The following GSG1L variants were observed in gnomAD, a reference collection of about 807,000 sequenced individuals.
The protein encoded by GSG1L is GSG1 like.
In GSG1L, 24 loss-of-function variants were observed where a neutral mutation model predicts 42.1. That is an observed-to-expected ratio of 0.57 (90% CI 0.41 to 0.80). The LOEUF (loss-of-function observed/expected upper bound fraction) is 0.80. Among genes scored for constraint, GSG1L ranks in the 30% least tolerant of loss-of-function variants. The probability of loss-of-function intolerance (pLI) is 0.00; values close to 1 mark genes in which losing one functional copy is unlikely to be tolerated. For synonymous variants in GSG1L, 215 were observed against 203.5 expected, an observed-to-expected ratio of 1.06 and a Z score of -0.48; for missense variants, 445 against 472.2, an observed-to-expected ratio of 0.94 and a Z score of 0.53.
intron 2 of GSG1L, among the ~76,000 whole-genome samples, chr16:27,947,708 G>C (rs1248406970): frequency 6.6e-6 from 1 of 152,134 alleles, no homozygotes; most frequent in Non-Finnish European, 1.5e-5. Flanking sequence ...TCGGGCTAAG[G>C]GAAGTTGCCC....
intron 2 of GSG1L, among the ~76,000 whole-genome samples, chr16:27,931,558 A>G (rs933943084): frequency 6.6e-6 from 1 of 152,246 alleles, no homozygotes; most frequent in Admixed American, 6.5e-5. Context: ...ATAGGCAAAC[A>G]GTAGAAAGCT....
chr16:27,790,861 A>G lies in GSG1L; in HGVS notation c.*509T>C, dbSNP rs962885466. 6.5e-6 allele frequency: 1 copy of G among 152,812 alleles called. No homozygotes were observed. Among genetic ancestry groups the G allele is most frequent in the African/African-American group, 2.4e-5 (1 of 41,470 alleles). 9.5% of individuals were successfully genotyped at this position (152,812 alleles called of 1,614,324 possible). ...GGCAATGACAGGGCAGCCACAGCCC[A>G]CAGAGCAACTGGCCTCCATACACCG... On this transcript the variant is annotated 3_prime_UTR_variant, in exon 7 of 7. Coordinates refer to ENST00000447459, the MANE Select transcript of GSG1L (RefSeq NM_001109763.2).
At position 27,816,973 on chromosome 16, in the gene GSG1L, T is replaced by G. The variant is rs1469883271; in HGVS notation, c.831-9419A>C. Among the ~76,000 whole-genome samples the G allele has an allele frequency of 3.9e-5, 6 of 152,136 alleles. No individual in the cohort carries two copies. In the East Asian group the frequency reaches 1.2e-3, roughly 29 times the overall value. ...AGGTGTTGGAGGTGACTGTGCCATG[T>G]CACAGTCACTGTCCCCAATAGCCCA... On this transcript the variant is annotated intron_variant, in intron 5 of 6. Transcript: ENST00000447459.
intron 6 of GSG1L, among the ~76,000 whole-genome samples, chr16:27,796,698 G>A (rs550717674): frequency 1.3e-5 from 2 of 152,174 alleles, no homozygotes; most frequent in Admixed American, 1.3e-4. Flanking sequence ...AGATTGAATG[G>A]GGGCCATCTA....
chr16:27,851,440 C>A (rs149802876), intron 3 of GSG1L, among the ~76,000 whole-genome samples: 1 of 152,080 alleles, frequency 6.6e-6, no homozygotes, highest in Non-Finnish European at 1.5e-5. Context: ...AAGAGATCCT[C>A]CTGCCACAGT....
intron 3 of GSG1L, among the ~76,000 whole-genome samples, chr16:27,866,552 GCAGGCTCTCACTTTCACTTTT>G (rs1341311963): frequency 2.0e-5 from 3 of 152,104 alleles, no homozygotes; most frequent in African/African-American, 7.2e-5. Context: ...CTACCCAAAT[GCAGGCTCTCACTTTCACTTTT>G]CTTTTTTAAT....
At chr16:27,880,680 G>A (rs2083940983) in intron 3 of GSG1L, among the ~76,000 whole-genome samples, 1 of 152,168 alleles carries the variant, frequency 6.6e-6, no homozygotes, top group Non-Finnish European at 1.5e-5. Context: ...ACCCCTTGGA[G>A]GTAGAGGAGA....
At chr16:27,856,157 A>G (rs894202094) in intron 3 of GSG1L, among the ~76,000 whole-genome samples, 17 of 148,432 alleles carry the variant, frequency 1.1e-4, no homozygotes, top group Admixed American at 1.0e-3. Context: ...AGGAATGTGC[A>G]CCCCCCCCCA....
intron 2 of GSG1L, among the ~76,000 whole-genome samples, chr16:27,932,947 A>G (rs1159952332): frequency 7.2e-5 from 11 of 152,128 alleles, no homozygotes; most frequent in Non-Finnish European, 1.2e-4. Context: ...CCCAACCTGC[A>G]GACTCACAAG....
intron 1 of GSG1L, among the ~76,000 whole-genome samples, chr16:28,045,793 T>G (rs1298666243): frequency 6.6e-6 from 1 of 151,660 alleles, no homozygotes; most frequent in Non-Finnish European, 1.5e-5. Flanking sequence ...CTCAGGAGTT[T>G]GAGACCAGCC....
chr16:28,047,867 A>AAG (rs1194942502), intron 1 of GSG1L, among the ~76,000 whole-genome samples: 1 of 152,174 alleles, frequency 6.6e-6, no homozygotes, highest in Non-Finnish European at 1.5e-5. Flanking sequence ...ATTGAAGAGA[A>AAG]AGAGATTAAC....
At chr16:27,896,099 A>AT (rs2084189032) in intron 2 of GSG1L, among the ~76,000 whole-genome samples, 1 of 152,126 alleles carries the variant, frequency 6.6e-6, no homozygotes, top group Non-Finnish European at 1.5e-5. Flanking sequence ...CTGACTCCAA[A>AT]GCACATAGGA....
In GSG1L at chr16:27,933,473, C is replaced by T. The variant is rs112785093; in HGVS notation, c.397+29683G>A. Among the ~76,000 whole-genome samples the T allele has an allele frequency of 3.2e-4, 48 of 151,954 alleles. 1 individual carries two copies. Among genetic ancestry groups the T allele is most frequent in the African/African-American group, 1.1e-3 (47 of 41,466 alleles). ...GACCAGCCAGGGCAACATGGCAAAA[C>T]CCCCATCTCTATAAAAAATTTAAAA... On this transcript the variant is annotated intron_variant, in intron 2 of 6. Coordinates refer to ENST00000447459, the MANE Select transcript of GSG1L (RefSeq NM_001109763.2).
At chr16:27,874,254 CG>C (rs2083857728) in intron 3 of GSG1L, among the ~76,000 whole-genome samples, 1 of 151,832 alleles carries the variant, frequency 6.6e-6, no homozygotes, top group Admixed American at 6.6e-5. Context: ...ATGGGGGCTG[CG>C]GGAGGGTCAC....
At chr16:28,060,332 G>T (rs2086327101) in intron 1 of GSG1L, among the ~76,000 whole-genome samples, 1 of 152,136 alleles carries the variant, frequency 6.6e-6, no homozygotes, top group African/African-American at 2.4e-5. Flanking sequence ...TGGTGGAGAA[G>T]GCAGGATTTT....
intron 3 of GSG1L, among the ~76,000 whole-genome samples, chr16:27,881,419 T>C (rs1192846192): frequency 1.3e-5 from 2 of 151,968 alleles, no homozygotes; most frequent in African/African-American, 4.8e-5. Context: ...TTTTTGTATT[T>C]TTAGTAGAAA....
At position 27,795,180 on chromosome 16, in the gene GSG1L, T is replaced by A. The variant is rs190528816; in HGVS notation, c.899-3713A>T. Among the ~76,000 whole-genome samples, 574 of 146,740 alleles carry A rather than the reference T, an allele frequency of 3.9e-3. 1 individual carries two copies. Among genetic ancestry groups the A allele is most frequent in the Non-Finnish European group, 6.1e-3 (393 of 64,880 alleles). The stretch of plus-strand genomic sequence containing the variant: ...ACAGAGCAAGTCCCAAACTGACTCT[T>A]TTTTTTTTCTTTTTAAACAAATGAA... On this transcript the variant is annotated intron_variant, in intron 6 of 6. Transcript: ENST00000447459.
At chr16:28,039,714 AC>A (rs1381789904) in intron 1 of GSG1L, among the ~76,000 whole-genome samples, 1 of 151,898 alleles carries the variant, frequency 6.6e-6, no homozygotes, top group Non-Finnish European at 1.5e-5. Flanking sequence ...CTGTGCACAC[AC>A]ATGCACATCC....
At chr16:27,933,063 T>A (rs1461084118) in intron 2 of GSG1L, among the ~76,000 whole-genome samples, 1 of 152,092 alleles carries the variant, frequency 6.6e-6, no homozygotes, top group Non-Finnish European at 1.5e-5. Flanking sequence ...ACTATTCATA[T>A]GAATTTAAAA....
Sources: gnomAD v4.1 joint callset for allele counts (sites outside exome capture counted in the v4.1 genomes callset) on GRCh38, gnomAD v4.1.1 for gene constraint, MANE v1.5 for transcripts, NCBI Gene and HGNC (gene_info 2026-07-23, HGNC 2026-07-21) for gene names.